The following SPTY2D1 variants were observed in gnomAD, a reference collection of about 807,000 sequenced individuals.
SPTY2D1 encodes SPT2 chromatin protein domain containing 1.
SPTY2D1 carries 21 observed loss-of-function variants against 64.0 expected under a neutral mutation model. The ratio of observed to expected loss-of-function variants is 0.33; its 90% confidence interval spans 0.23 to 0.47. The LOEUF (loss-of-function observed/expected upper bound fraction) is 0.47. Ranked by LOEUF, SPTY2D1 falls within the 20% of genes least tolerant of loss-of-function variation. SPTY2D1 has a pLI of 1.00. For synonymous variants in SPTY2D1, 287 were observed against 286.8 expected (o/e 1.00, Z -0.01); for missense variants, 724 against 837.2 (o/e 0.86, Z 1.67).
chr11:18,617,704 G>A (rs1273964008), intron 1 of SPTY2D1, among the ~76,000 whole-genome samples: 20 of 151,630 alleles, frequency 1.3e-4, no homozygotes, highest in East Asian at 1.9e-4. Context: ...CACTTTGGGC[G>A]GCTGAGGTGG....
chr11:18,612,256 T>A lies in SPTY2D1; in HGVS notation c.1886+58A>T, dbSNP rs1854219023. 7.1e-7 allele frequency: 1 copy of A among 1,408,650 alleles called. No homozygotes were observed. Among genetic ancestry groups the A allele is most frequent in the African/African-American group, 1.4e-5 (1 of 69,812 alleles). 87.3% of individuals were successfully genotyped at this position (1,408,650 alleles called of 1,614,324 possible). A position where few individuals can be genotyped will look rare whatever the true frequency, so the allele number is the denominator to read the frequency against. On this transcript the variant is annotated intron_variant, in intron 4 of 5. Transcript: ENST00000336349. This position sits in a 1 kb window ranked among gnomAD's most constrained non-coding sequence, Gnocchi z 4.6. ...ACTATTAGTTTATTACCCCATGACATGAATTATTCAAAATAAAAAAAGGAT... is the reference window on the plus strand; with the variant it reads ...ACTATTAGTTTATTACCCCATGACAAGAATTATTCAAAATAAAAAAAGGAT...
Position 18,615,119 on chromosome 11 carries a change from C to A in SPTY2D1, c.1155G>T (p.Gly385=). The A allele has an allele frequency of 6.2e-7, 1 of 1,614,164 alleles. No homozygotes were observed. The highest frequency in any genetic ancestry group is 1.1e-5 in the South Asian group (1 of 91,080). ...CAGAACTAACTGTGGGTCGAGCAAC[C>A]CCTGTGCTGGGCTGCCCAGGGGCTG... ...SSSAPGQPST[G]VARPTVSSGP... The change falls in exon 3 of 6, where the codon GGG becomes GGT. Residue 385 remains glycine, a synonymous_variant. Coordinates refer to ENST00000336349, the MANE Select transcript of SPTY2D1 (RefSeq NM_194285.3).
At position 18,606,670 on chromosome 11, in the gene SPTY2D1, T is replaced by C. The variant is rs966426291; in HGVS notation, c.*3191A>G. On this transcript the variant is annotated 3_prime_UTR_variant, in exon 6 of 6. Transcript: ENST00000336349. ...ACTCAGAAAATAAATAGTAGTCTAA[T>C]ATATTCAATACATTGAAAATAAAAC... 2 of 402,996 alleles carry C rather than the reference T, an allele frequency of 5.0e-6. No homozygotes were observed. The highest frequency in any genetic ancestry group is 3.8e-5 in the Admixed American group (1 of 26,548). 25.0% of individuals were successfully genotyped at this position (402,996 alleles called of 1,614,324 possible). A position where few individuals can be genotyped will look rare whatever the true frequency, so the allele number is the denominator to read the frequency against.
At chr11:18,619,254 C>A (rs73424447) in intron 1 of SPTY2D1, among the ~76,000 whole-genome samples, 12,607 of 152,058 alleles carry the variant, frequency 0.083, 1,384 homozygotes, top group African/African-American at 0.26. Context: ...AGCAGAGGCA[C>A]ACACTCACTC....
rs1854119487 is a variant in SPTY2D1 at position 18,606,996 on chromosome 11, G to A, written c.*2865C>T. 2 of 281,624 alleles carry A rather than the reference G, an allele frequency of 7.1e-6. No homozygotes were observed. Among genetic ancestry groups the A allele is most frequent in the Non-Finnish European group, 1.3e-5 (2 of 149,962 alleles). The allele number at this position is 281,624 out of a possible 1,614,324, so 17.4% of individuals were successfully genotyped here. A position where few individuals can be genotyped will look rare whatever the true frequency, so the allele number is the denominator to read the frequency against. On this transcript the variant is annotated 3_prime_UTR_variant, in exon 6 of 6. Coordinates refer to ENST00000336349, the MANE Select transcript of SPTY2D1 (RefSeq NM_194285.3). ...CTGCCTCAGCCTCCCCGGTAGCTGG[G>A]ATTACAGGTGTGTGCCACCGCACCC...
At chr11:18,621,829 G>C (rs984864243) in intron 1 of SPTY2D1, among the ~76,000 whole-genome samples, 3 of 152,074 alleles carry the variant, frequency 2.0e-5, no homozygotes, top group Non-Finnish European at 2.9e-5. Flanking sequence ...GCTCACACCT[G>C]TAATTCCAGC....
chr11:18,623,959 C>T (rs559880984), intron 1 of SPTY2D1, among the ~76,000 whole-genome samples: 20 of 152,204 alleles, frequency 1.3e-4, no homozygotes, highest in Non-Finnish European at 2.1e-4. Context: ...ACTGAATATT[C>T]GGATTGTCTC....
intron 5 of SPTY2D1, among the ~76,000 whole-genome samples, chr11:18,611,106 A>T (rs1854199040): frequency 6.6e-6 from 1 of 152,158 alleles, no homozygotes; most frequent in Non-Finnish European, 1.5e-5. Context: ...ACCAGCCTGG[A>T]TAACAAAGCA....
chr11:18,608,698 A>T lies in SPTY2D1; in HGVS notation c.*1163T>A, dbSNP rs552629100. 6.6e-6 allele frequency: 1 copy of T among 152,508 alleles called. No homozygotes were observed. The highest frequency in any genetic ancestry group is 2.4e-5 in the African/African-American group (1 of 41,454). 9.4% of individuals were successfully genotyped at this position (152,508 alleles called of 1,614,324 possible). A position where few individuals can be genotyped will look rare whatever the true frequency, so the allele number is the denominator to read the frequency against. ...TTGAAGGTTAAGGGCTATTAAGTCCATATTTATGACTTTAAAAAGGGTAAA... is the reference window on the plus strand; with the variant it reads ...TTGAAGGTTAAGGGCTATTAAGTCCTTATTTATGACTTTAAAAAGGGTAAA... On this transcript the variant is annotated 3_prime_UTR_variant, in exon 6 of 6. Transcript: ENST00000336349.
Position 18,609,019 on chromosome 11 carries a change from C to T in SPTY2D1, c.*842G>A, listed in dbSNP as rs1260494097. The T allele has an allele frequency of 1.3e-5, 2 of 152,042 alleles. No homozygotes were observed. The highest frequency in any genetic ancestry group is 6.6e-5 in the Admixed American group (1 of 15,182). The allele number at this position is 152,042 out of a possible 1,614,324, so 9.4% of individuals were successfully genotyped here. ...AGGGGAGAGCCTCACATGTTACTTC[C>T]TTATTTTATAAACTATTACTCTTTC... On this transcript the variant is annotated 3_prime_UTR_variant, in exon 6 of 6. Transcript: ENST00000336349.
Position 18,606,583 on chromosome 11 carries a change from C to T in SPTY2D1, c.*3278G>A. 3.3e-6 allele frequency: 1 copy of T among 299,410 alleles called. No individual in the cohort carries two copies. The highest frequency in any genetic ancestry group is 2.7e-5 in the South Asian group (1 of 36,690). The allele number at this position is 299,410 out of a possible 1,614,324, so 18.5% of individuals were successfully genotyped here. ...AAAAGACAGGATGGATTTAATTACT[C>T]CAAAGAAATCTCTATCTCACTCTTA... is the stretch of plus-strand genomic sequence containing the variant. On this transcript the variant is annotated 3_prime_UTR_variant, in exon 6 of 6. Transcript: ENST00000336349.
intron 1 of SPTY2D1, among the ~76,000 whole-genome samples, chr11:18,620,961 A>T (rs1033376175): frequency 4.6e-5 from 7 of 151,972 alleles, no homozygotes; most frequent in African/African-American, 1.4e-4. Flanking sequence ...TTTAAATGGT[A>T]TATTTGTATA....
intron 1 of SPTY2D1, among the ~76,000 whole-genome samples, chr11:18,632,410 C>G (rs10832961): frequency 0.64 from 97,384 of 151,142 alleles, 32,538 homozygotes; most frequent in Middle Eastern, 0.78. Context: ...GGAGTGCAAT[C>G]GCACGATCTC....
chr11:18,610,876 CA>C (rs1260125277), intron 5 of SPTY2D1, among the ~76,000 whole-genome samples: 1 of 152,186 alleles, frequency 6.6e-6, no homozygotes, highest in Non-Finnish European at 1.5e-5. Context: ...TTTGCTACAA[CA>C]GGATTAGGGA....
rs1475637287 is a variant in SPTY2D1, at chr11:18,631,606, A to AC, written c.60+2591_60+2592insG. 5.1e-3 allele frequency among the ~76,000 whole-genome samples: 771 copies of AC among 150,872 alleles called. 7 individuals are homozygous for AC. The highest frequency in any genetic ancestry group is 0.018 in the African/African-American group (735 of 41,142). On this transcript the variant is annotated intron_variant, in intron 1 of 5. Coordinates refer to ENST00000336349, the MANE Select transcript of SPTY2D1 (RefSeq NM_194285.3). ...TATTTCTTTTAAAATAGATAACAAA[A>AC]AAAAAAAAAAAACCACCAAACACTT... is the stretch of plus-strand genomic sequence containing the variant.
chr11:18,630,026 G>C (rs776183107), intron 1 of SPTY2D1, among the ~76,000 whole-genome samples: 3 of 151,466 alleles, frequency 2.0e-5, no homozygotes, highest in Non-Finnish European at 4.4e-5. Context: ...AAAATTAGCT[G>C]GGCGTGGTGG....
intron 4 of SPTY2D1, 136 bp from the exon 5 acceptor site, chr11:18,611,690 G>T: frequency 1.3e-6 from 1 of 751,684 alleles, no homozygotes; most frequent in Non-Finnish European, 2.2e-6. Context: ...TTGCTTGGCA[G>T]CGAGTGAGGG....
intron 3 of SPTY2D1, 81 bp downstream of exon 3, chr11:18,614,482 A>C: frequency 7.2e-7 from 1 of 1,380,238 alleles, no homozygotes; most frequent in South Asian, 1.3e-5. Context: ...TGAGGGGTTC[A>C]AAGGGTCCCT....
chr11:18,633,024 C>T (rs1854612988), intron 1 of SPTY2D1, among the ~76,000 whole-genome samples: 1 of 152,082 alleles, frequency 6.6e-6, no homozygotes, highest in Non-Finnish European at 1.5e-5. Flanking sequence ...TGAGTCTATA[C>T]CTTCAACATG....
Sources: gnomAD v4.1 joint callset for allele counts (sites outside exome capture counted in the v4.1 genomes callset) on GRCh38, gnomAD v4.1.1 for gene constraint, Gnocchi (gnomAD v3.1) non-coding constraint, MANE v1.5 for transcripts, NCBI Gene and HGNC (gene_info 2026-07-23, HGNC 2026-07-21) for gene names.